The following EPHA6 variants were observed in gnomAD, a reference collection of about 807,000 sequenced individuals.
EPHA6 encodes the protein ephrin type-A receptor 6.
EPHA6 carries 50 observed loss-of-function variants against 112.0 expected under a neutral mutation model. The ratio of observed to expected loss-of-function variants is 0.45; its 90% CI spans 0.36 to 0.56. The LOEUF is 0.56. EPHA6 is among the 20% of genes least tolerant of loss of function. The pLI is 0.00. For missense variants in EPHA6, 1,280 were observed against 1,417.4 expected, an observed-to-expected ratio of 0.90 and a Z score of 1.56; for synonymous variants, 529 against 490.7, an observed-to-expected ratio of 1.08 and a Z score of -1.03.
chr3:96,871,000 A>G (rs1255717289), intron 2 of EPHA6, among the ~76,000 whole-genome samples: 1 of 152,114 alleles, frequency 6.6e-6, no homozygotes, highest in Non-Finnish European at 1.5e-5. Context: ...AGTTCTGAAA[A>G]TGTAAATTTT....
intron 2 of EPHA6, among the ~76,000 whole-genome samples, chr3:96,921,929 TG>T (rs932955889): frequency 6.6e-6 from 1 of 152,090 alleles, no homozygotes; most frequent in Non-Finnish European, 1.5e-5. Flanking sequence ...GCCAGCTTGA[TG>T]GGGCTGATGT....
At chr3:97,034,080 G>A (rs2044986477) in intron 3 of EPHA6, among the ~76,000 whole-genome samples, 1 of 151,954 alleles carries the variant, frequency 6.6e-6, no homozygotes, top group African/African-American at 2.4e-5. Flanking sequence ...TATATTCTAA[G>A]TCTACAGTCT....
At position 97,760,253 on chromosome 3, in the gene EPHA6, A is replaced by T. The variant is rs1301812064; in HGVS notation, c.*11552A>T. On this transcript the variant is annotated 3_prime_UTR_variant, in exon 18 of 18. Transcript: ENST00000389672. The stretch of plus-strand genomic sequence containing the variant: ...GTCATTTACGGAAAACACATGGGCA[A>T]TATGGTTGGTTGTTCATTGTGCCCC... The T allele has an allele frequency of 5.6e-6, 1 of 177,080 alleles. No individual in the cohort carries two copies. The highest frequency in any genetic ancestry group is 1.2e-5 in the Non-Finnish European group (1 of 82,710). The allele number at this position is 177,080 out of a possible 1,614,324, so 11.0% of individuals were successfully genotyped here.
Position 97,754,296 on chromosome 3 carries a change from T to C in EPHA6, c.*5595T>C, listed in dbSNP as rs765979778. ...AGAGACGGGATTTCTCCATGTTGGT[T>C]AGGCTGGTCTCGAACTCCCGACCTC... On this transcript the variant is annotated 3_prime_UTR_variant, in exon 18 of 18. Transcript: ENST00000389672. Among the ~76,000 whole-genome samples the C allele has an allele frequency of 8.6e-5, 13 of 151,922 alleles. No individual in the cohort carries two copies. The highest frequency in any genetic ancestry group is 1.3e-4 in the Non-Finnish European group (9 of 67,948).
At chr3:97,564,992 C>T (rs935567466) in intron 11 of EPHA6, among the ~76,000 whole-genome samples, 1 of 152,048 alleles carries the variant, frequency 6.6e-6, no homozygotes, top group Non-Finnish European at 1.5e-5. Context: ...AAGTAACTCT[C>T]GCCAGCACAG....
intron 11 of EPHA6, among the ~76,000 whole-genome samples, chr3:97,545,700 A>G (rs1054200849): frequency 6.6e-5 from 10 of 152,158 alleles, no homozygotes; most frequent in Non-Finnish European, 1.3e-4. Flanking sequence ...GTGGGAGTCT[A>G]AGTCTCTTTG....
rs148041431 is a variant in EPHA6 at position 97,019,208 on chromosome 3, C to T, written c.1114+31215C>T. Among the ~76,000 whole-genome samples the T allele has an allele frequency of 2.1e-3, 315 of 152,294 alleles. 1 individual carries two copies. Among genetic ancestry groups the T allele is most frequent in the Non-Finnish European group, 3.2e-3 (221 of 68,028 alleles). ...CTGGAACAGCTCGTGTCCTCGGTCCCTTGCCTTGGCACCTGGGTGGCTTGC... is the reference window on the plus strand; with the variant it reads ...CTGGAACAGCTCGTGTCCTCGGTCCTTTGCCTTGGCACCTGGGTGGCTTGC... On this transcript the variant is annotated intron_variant, in intron 3 of 17. Transcript: ENST00000389672.
At chr3:97,302,113 T>G (rs540495404) in intron 5 of EPHA6, among the ~76,000 whole-genome samples, 2 of 152,186 alleles carry the variant, frequency 1.3e-5, no homozygotes, top group Admixed American at 1.3e-4. Context: ...ATGTGGTTGT[T>G]GAACTCACAT....
At chr3:97,666,848 T>C (rs900691786) in intron 14 of EPHA6, among the ~76,000 whole-genome samples, 1 of 152,222 alleles carries the variant, frequency 6.6e-6, no homozygotes, top group Non-Finnish European at 1.5e-5. Context: ...CACAGCCCTC[T>C]GGAGAAGAGG....
chr3:97,737,624 T>C (rs2035323103), intron 16 of EPHA6, among the ~76,000 whole-genome samples: 1 of 152,012 alleles, frequency 6.6e-6, no homozygotes, highest in Non-Finnish European at 1.5e-5. Flanking sequence ...GTTTTTGGAA[T>C]AGAAATGAGA....
chr3:97,132,475 G>C (rs1481956908), intron 3 of EPHA6, among the ~76,000 whole-genome samples: 1 of 151,950 alleles, frequency 6.6e-6, no homozygotes, highest in Non-Finnish European at 1.5e-5. Flanking sequence ...CTATTAAGAA[G>C]TCCTGTGTTA....
chr3:96,885,324 T>A (rs1365367467), intron 2 of EPHA6, among the ~76,000 whole-genome samples: 1 of 152,190 alleles, frequency 6.6e-6, no homozygotes, highest in African/African-American at 2.4e-5. Context: ...TTTGAATGTC[T>A]GGTGGAATTC....
intron 5 of EPHA6, among the ~76,000 whole-genome samples, chr3:97,388,739 G>T (rs978109650): frequency 5.3e-5 from 8 of 152,040 alleles, no homozygotes; most frequent in African/African-American, 1.9e-4. Context: ...AAGGAAGTTT[G>T]GGGGAAAAAG....
At chr3:97,039,389 A>T (rs1559687162) in intron 3 of EPHA6, among the ~76,000 whole-genome samples, 1 of 152,128 alleles carries the variant, frequency 6.6e-6, no homozygotes, top group Non-Finnish European at 1.5e-5. Context: ...AATTTATAGA[A>T]TTCAGATGAC....
intron 4 of EPHA6, 101 bp downstream of exon 4, chr3:97,226,520 TC>T: frequency 9.4e-7 from 1 of 1,066,690 alleles, no homozygotes; most frequent in Non-Finnish European, 1.4e-6. Context: ...TCTTGCATTA[TC>T]AATGCCATTT....
At chr3:97,711,574 A>G (rs889581508) in intron 14 of EPHA6, among the ~76,000 whole-genome samples, 10 of 152,132 alleles carry the variant, frequency 6.6e-5, no homozygotes, top group African/African-American at 2.2e-4. Context: ...GAACTTGTAT[A>G]GGTCCCAAAG....
At chr3:97,399,881 T>A (rs1398855011) in intron 5 of EPHA6, among the ~76,000 whole-genome samples, 1 of 151,570 alleles carries the variant, frequency 6.6e-6, no homozygotes, top group Admixed American at 6.6e-5. Flanking sequence ...TTCTCTTGTT[T>A]TTCAGGTGTT....
intron 5 of EPHA6, among the ~76,000 whole-genome samples, chr3:97,380,547 A>T (rs939580081): frequency 6.6e-6 from 1 of 152,156 alleles, no homozygotes; most frequent in African/African-American, 2.4e-5. Context: ...TGTCCAGACA[A>T]GTTGCATTTC....
Position 97,631,626 on chromosome 3 carries a change from T to C in EPHA6, c.2575-6247T>C, listed in dbSNP as rs572684137. Among the ~76,000 whole-genome samples the C allele has an allele frequency of 3.9e-5, 6 of 152,136 alleles. 1 individual carries two copies. The highest frequency in any genetic ancestry group is 1.2e-4 in the African/African-American group (5 of 41,538). The stretch of plus-strand genomic sequence containing the variant: ...AATTGTCATTATCCAATAGTATTTA[T>C]TGAACCAGATTTGTGAGGAATCTGT... On this transcript the variant is annotated intron_variant, in intron 13 of 17. Coordinates refer to ENST00000389672, the MANE Select transcript of EPHA6 (RefSeq NM_001080448.3).
Sources: gnomAD v4.1 joint callset for allele counts (sites outside exome capture counted in the v4.1 genomes callset) on GRCh38, gnomAD v4.1.1 for gene constraint, MANE v1.5 for transcripts, NCBI Gene and HGNC (gene_info 2026-07-23, HGNC 2026-07-21) for gene names.